MICU2: variants seen among roughly 807,000 people sequenced by gnomAD.
MICU2 encodes mitochondrial calcium uptake 2.
A neutral mutation model predicts 60.4 loss-of-function variants in MICU2; 64 were observed. That is an observed-to-expected ratio of 1.06 (90% confidence interval 0.87 to 1.31). The LOEUF (loss-of-function observed/expected upper bound fraction) is 1.31. Ranked by LOEUF, MICU2 falls within the 50% of genes most tolerant of loss-of-function variation. The pLI is 0.00. For synonymous variants in MICU2, 201 were observed against 175.0 expected (o/e 1.15, Z -1.17); for missense variants, 569 against 531.0 (o/e 1.07, Z -0.70).
chr13:21,602,482 A>G (rs1470592577), intron 1 of MICU2, among the ~76,000 whole-genome samples: 2 of 152,190 alleles, frequency 1.3e-5, no homozygotes, highest in Admixed American at 1.3e-4. Context: ...AGATAGCGCC[A>G]CTGCAGTCCG....
intron 1 of MICU2, among the ~76,000 whole-genome samples, chr13:21,573,012 G>A (rs1418308547): frequency 1.3e-5 from 2 of 151,890 alleles, no homozygotes; most frequent in Non-Finnish European, 2.9e-5. Context: ...TACACCACAC[G>A]CCTCATACTC....
At chr13:21,549,297 A>G (rs925108259) in intron 2 of MICU2, among the ~76,000 whole-genome samples, 8 of 152,122 alleles carry the variant, frequency 5.3e-5, no homozygotes, top group Non-Finnish European at 1.2e-4. Context: ...GTGAAATTCT[A>G]TTATCACATT....
chr13:21,547,512 A>G (rs911824277), intron 2 of MICU2, among the ~76,000 whole-genome samples: 6 of 152,200 alleles, frequency 3.9e-5, no homozygotes, highest in African/African-American at 1.4e-4. Flanking sequence ...TAATGTAATA[A>G]TAGTATGTTT....
At chr13:21,516,580 G>A (rs1056945117) in intron 6 of MICU2, among the ~76,000 whole-genome samples, 2 of 152,132 alleles carry the variant, frequency 1.3e-5, no homozygotes, top group Admixed American at 6.5e-5. Flanking sequence ...GGATAAACAC[G>A]TAGGAGATAA....
chr13:21,596,625 C>T (rs1307456527), intron 1 of MICU2, among the ~76,000 whole-genome samples: 3 of 151,970 alleles, frequency 2.0e-5, no homozygotes, highest in African/African-American at 7.2e-5. Context: ...GGTTTCACCA[C>T]GTTGGCCAGG....
At chr13:21,574,012 T>C (rs1409891599) in intron 1 of MICU2, among the ~76,000 whole-genome samples, 1 of 152,106 alleles carries the variant, frequency 6.6e-6, no homozygotes, top group Non-Finnish European at 1.5e-5. Context: ...ACAAACCTAC[T>C]CGGTTGGCAG....
At chr13:21,526,064 A>G (rs902554991) in intron 4 of MICU2, among the ~76,000 whole-genome samples, 5 of 150,304 alleles carry the variant, frequency 3.3e-5, no homozygotes, top group African/African-American at 1.2e-4. Flanking sequence ...CAGCCTCCTG[A>G]GTAGCTGGGA....
intron 2 of MICU2, among the ~76,000 whole-genome samples, chr13:21,558,273 C>A (rs1887756873): frequency 1.3e-5 from 2 of 152,112 alleles, no homozygotes; most frequent in South Asian, 4.1e-4. Context: ...GTAATTTGGG[C>A]AGCACTCTAG....
intron 4 of MICU2, among the ~76,000 whole-genome samples, chr13:21,536,339 T>A (rs1887130497): frequency 6.8e-6 from 1 of 147,014 alleles, no homozygotes; most frequent in Non-Finnish European, 1.5e-5. Flanking sequence ...TAAAACTAAA[T>A]TTTTTTTTTT....
chr13:21,565,397 C>T (rs1047537907), intron 2 of MICU2, among the ~76,000 whole-genome samples: 10 of 152,232 alleles, frequency 6.6e-5, no homozygotes, highest in Non-Finnish European at 1.2e-4. Context: ...GTGGCTCATG[C>T]TTGCAATCCC....
At chr13:21,552,523 G>A (rs1458498314) in intron 2 of MICU2, among the ~76,000 whole-genome samples, 3 of 152,276 alleles carry the variant, frequency 2.0e-5, no homozygotes, top group Non-Finnish European at 4.4e-5. Flanking sequence ...GTCCTGAATG[G>A]TATTGCCTAG....
intron 3 of MICU2, 54 bp from the exon 4 acceptor site, chr13:21,539,431 TGG>T (rs1887222620): frequency 6.6e-7 from 1 of 1,523,006 alleles, no homozygotes; most frequent in African/African-American, 1.4e-5. Flanking sequence ...TCTTTGTAGC[TGG>T]GACTACAGAC....
chr13:21,590,904 G>T (rs1593359292), intron 1 of MICU2, among the ~76,000 whole-genome samples: 1 of 152,020 alleles, frequency 6.6e-6, no homozygotes, highest in Non-Finnish European at 1.5e-5. Flanking sequence ...TGGAAAAGAA[G>T]AACTGATACC....
intron 9 of MICU2, among the ~76,000 whole-genome samples, chr13:21,498,429 A>T (rs1486232844): frequency 7.5e-6 from 1 of 132,984 alleles, no homozygotes; most frequent in Non-Finnish European, 1.5e-5. Context: ...CCCAGGCTGA[A>T]GCGCAATGGC....
At chr13:21,547,624 T>C (rs1318973863) in intron 2 of MICU2, among the ~76,000 whole-genome samples, 1 of 152,190 alleles carries the variant, frequency 6.6e-6, no homozygotes, top group Non-Finnish European at 1.5e-5. Flanking sequence ...CATTATTTCA[T>C]TATGTAAGAG....
In MICU2 at chr13:21,604,094, G is replaced by C. The variant is rs534619640; in HGVS notation, c.55C>G (p.Arg19Gly). ...TGTCGGCTGACAGCGAGCCCCCGTC[G>C]CAGTTTTCCGCCCCAGGCCGCCACC... ...ARVAAWGGKLRRGLAVSRQAV... is the reference protein window; with the variant it reads ...ARVAAWGGKLGRGLAVSRQAV... Residue 19 changes from arginine (R) to glycine (G), a missense_variant, in exon 1 of 12, where the codon CGA becomes GGA. Transcript: ENST00000382374. 6.3e-7 allele frequency: 1 copy of C among 1,591,432 alleles called. No homozygotes were observed. Among genetic ancestry groups the C allele is most frequent in the South Asian group, 1.1e-5 (1 of 88,910 alleles).
intron 1 of MICU2, among the ~76,000 whole-genome samples, chr13:21,593,566 C>A (rs1412393821): frequency 7.7e-5 from 3 of 38,932 alleles, no homozygotes; most frequent in Non-Finnish European, 9.4e-5. Context: ...AAAGACAATC[C>A]TAAGCAAAAA....
Position 21,604,086 on chromosome 13 carries a change from C to G in MICU2, c.63G>C (p.Gly21=), listed in dbSNP as rs766932445. Residue 21 remains glycine, a synonymous_variant, in exon 1 of 12, where the codon GGG becomes GGC. Coordinates refer to ENST00000382374, the MANE Select transcript of MICU2 (RefSeq NM_152726.3). ...VAAWGGKLRR[G]LAVSRQAVRS... ...GCACAGCCTGTCGGCTGACAGCGAG[C>G]CCCCGTCGCAGTTTTCCGCCCCAGG... 1.3e-6 allele frequency: 2 copies of G among 1,596,050 alleles called. No homozygotes were observed. The highest frequency in any genetic ancestry group is 2.3e-5 in the East Asian group (1 of 43,794).
intron 4 of MICU2, chr13:21,531,378 T>G: frequency 8.5e-7 from 1 of 1,178,572 alleles, no homozygotes; most frequent in Non-Finnish European, 1.2e-6. Context: ...TAAGGGACCC[T>G]GCAGGAGTTT....
Sources: allele counts gnomAD v4.1 joint callset (sites outside exome capture counted in the v4.1 genomes callset), GRCh38; gene constraint gnomAD v4.1.1; transcripts MANE v1.5; gene names NCBI Gene and HGNC (gene_info 2026-07-23, HGNC 2026-07-21).